The following PIEZO2 variants were observed in gnomAD, a reference collection of about 807,000 sequenced individuals.
The protein encoded by PIEZO2 is piezo type mechanosensitive ion channel component 2.
PIEZO2 carries 172 observed loss-of-function variants against 337.3 expected under a neutral mutation model. The observed-to-expected ratio is 0.51, with a 90% CI of 0.45 to 0.58. The LOEUF (loss-of-function observed/expected upper bound fraction) is 0.58. Among genes scored for constraint, PIEZO2 ranks in the 20% least tolerant of loss-of-function variants. PIEZO2 has a pLI of 0.00. For synonymous variants in PIEZO2, 1,251 were observed against 1,228.5 expected (o/e 1.02, Z -0.38); for missense variants, 3,028 against 3,391.3 (o/e 0.89, Z 2.66).
chr18:10,901,290 C>T (rs185154391), intron 4 of PIEZO2, among the ~76,000 whole-genome samples: 54 of 152,164 alleles, frequency 3.5e-4, no homozygotes, highest in African/African-American at 1.3e-3. Flanking sequence ...CATCAGAGAC[C>T]CTCAGGGTTT....
At chr18:10,930,693 A>T (rs1279208388) in intron 3 of PIEZO2, among the ~76,000 whole-genome samples, 2 of 152,246 alleles carry the variant, frequency 1.3e-5, no homozygotes, top group Admixed American at 1.3e-4. Context: ...TGATCTGGTC[A>T]CATTTACTTA....
intron 3 of PIEZO2, among the ~76,000 whole-genome samples, chr18:10,970,183 A>G (rs1286901761): frequency 6.6e-6 from 1 of 152,220 alleles, no homozygotes; most frequent in Non-Finnish European, 1.5e-5. Flanking sequence ...ATCTGGAGGA[A>G]GTGGCCAGTA....
At chr18:11,089,342 C>T (rs1480711231) in intron 1 of PIEZO2, among the ~76,000 whole-genome samples, 1 of 152,068 alleles carries the variant, frequency 6.6e-6, no homozygotes, top group African/African-American at 2.4e-5. Context: ...TTAACACAGG[C>T]GAAATCAATG....
intron 49 of PIEZO2, among the ~76,000 whole-genome samples, chr18:10,686,904 T>A (rs1406897116): frequency 6.6e-6 from 1 of 152,150 alleles, no homozygotes; most frequent in Non-Finnish European, 1.5e-5. Context: ...AATAACTCCC[T>A]GTAACAGTGG....
intron 1 of PIEZO2, among the ~76,000 whole-genome samples, chr18:11,118,759 G>GA (rs11451534): frequency 0.55 from 83,277 of 150,582 alleles, 26,227 homozygotes; most frequent in Non-Finnish European, 0.7. Flanking sequence ...GTTAATTACA[G>GA]AAAAAAAAAC....
rs993614665 is a variant in PIEZO2, at chr18:10,766,008, G to A, written c.2947-2910C>T. On this transcript the variant is annotated intron_variant, in intron 21 of 55. Coordinates refer to ENST00000674853, the MANE Select transcript of PIEZO2 (RefSeq NM_001378183.1). This position sits in a 1 kb window ranked among gnomAD's most constrained non-coding sequence, Gnocchi z 6.1. ...AGTCAAATCAGAGGAGGACTAAAGA[G>A]CCTCTGTGCGGTGAATATTTTTATT... 7.2e-5 allele frequency among the ~76,000 whole-genome samples: 11 copies of A among 152,120 alleles called. No homozygotes were observed. Among genetic ancestry groups the A allele is most frequent in the African/African-American group, 2.7e-4 (11 of 41,420 alleles).
intron 2 of PIEZO2, among the ~76,000 whole-genome samples, chr18:11,004,569 T>C (rs567106796): frequency 1.3e-5 from 2 of 152,138 alleles, no homozygotes; most frequent in South Asian, 4.1e-4. Flanking sequence ...TTAGAACGGA[T>C]AAGGAAGGGA....
At chr18:10,936,827 CAACA>C in intron 3 of PIEZO2, among the ~76,000 whole-genome samples, 2 of 152,144 alleles carry the variant, frequency 1.3e-5, no homozygotes, top group Admixed American at 1.3e-4. Flanking sequence ...GCAGACAAAC[CAACA>C]AGTGCTCCTT....
At chr18:10,930,665 C>G (rs2032024755) in intron 3 of PIEZO2, among the ~76,000 whole-genome samples, 1 of 152,158 alleles carries the variant, frequency 6.6e-6, no homozygotes, top group Non-Finnish European at 1.5e-5. Context: ...GTTTACAACA[C>G]CATGGATAAA....
chr18:10,836,087 G>A (rs1482593931), intron 7 of PIEZO2, among the ~76,000 whole-genome samples: 1 of 152,034 alleles, frequency 6.6e-6, no homozygotes, highest in Non-Finnish European at 1.5e-5. Context: ...ATTCCCCCAG[G>A]TACTGGATTA....
chr18:11,023,711 C>T (rs1245878859), intron 2 of PIEZO2, among the ~76,000 whole-genome samples: 2 of 152,168 alleles, frequency 1.3e-5, no homozygotes, highest in African/African-American at 4.8e-5. Context: ...GGCGCTCGTC[C>T]GGGAGGCTAG....
At chr18:10,798,262 T>C (rs940745020) in intron 11 of PIEZO2, among the ~76,000 whole-genome samples, 2 of 152,256 alleles carry the variant, frequency 1.3e-5, no homozygotes, top group Non-Finnish European at 2.9e-5. Flanking sequence ...AGCCACTAAG[T>C]AGACTGCCCT....
chr18:10,835,360 C>T (rs2040976499), intron 7 of PIEZO2, among the ~76,000 whole-genome samples: 1 of 151,362 alleles, frequency 6.6e-6, no homozygotes, highest in African/African-American at 2.4e-5. Context: ...CAAGAAGCCA[C>T]AGAAGAGTGT....
chr18:10,867,557 G>C (rs1034372592), intron 5 of PIEZO2, among the ~76,000 whole-genome samples: 2 of 152,122 alleles, frequency 1.3e-5, no homozygotes, highest in Non-Finnish European at 2.9e-5. Flanking sequence ...AGTCTATTAA[G>C]AAGCTGCCTC....
intron 15 of PIEZO2, among the ~76,000 whole-genome samples, chr18:10,787,827 T>C (rs1480850810): frequency 1.3e-5 from 2 of 152,220 alleles, no homozygotes; most frequent in East Asian, 1.9e-4. Flanking sequence ...GTTTCTATTA[T>C]TGGGTTCTCT....
chr18:10,804,124 G>T, intron 8 of PIEZO2, 130 bp from the exon 9 acceptor site: 1 of 1,124,774 alleles, frequency 8.9e-7, no homozygotes, highest in Non-Finnish European at 1.2e-6. Context: ...CAATATACAG[G>T]ATTTTATCAA....
intron 31 of PIEZO2, among the ~76,000 whole-genome samples, chr18:10,743,313 A>G (rs1485997025): frequency 1.3e-5 from 2 of 152,178 alleles, no homozygotes; most frequent in Non-Finnish European, 2.9e-5. Context: ...AAACTTACAG[A>G]ACTTTCCCAG....
At chr18:11,133,772 AATACTT>A (rs1302709317) in intron 1 of PIEZO2, among the ~76,000 whole-genome samples, 1 of 150,980 alleles carries the variant, frequency 6.6e-6, no homozygotes, top group Non-Finnish European at 1.5e-5. Context: ...CGCGTAAGTT[AATACTT>A]AATAAACTCC....
chr18:10,849,669 A>G (rs1396208674), intron 7 of PIEZO2, among the ~76,000 whole-genome samples: 2 of 152,194 alleles, frequency 1.3e-5, no homozygotes, highest in African/African-American at 4.8e-5. Context: ...GGGAAACCGA[A>G]CATCAGCCTC....
Sources: allele counts gnomAD v4.1 joint callset (sites outside exome capture counted in the v4.1 genomes callset), GRCh38; gene constraint gnomAD v4.1.1; non-coding constraint Gnocchi (gnomAD v3.1); transcripts MANE v1.5; gene names NCBI Gene and HGNC (gene_info 2026-07-23, HGNC 2026-07-21).